Variants in ELP3 observed in about 807,000 individuals in gnomAD.
The protein encoded by ELP3 is elongator acetyltransferase complex subunit 3.
Under a neutral mutation model 74.9 loss-of-function variants are expected in ELP3, and 56 were observed. That is an observed-to-expected ratio of 0.75 (90% CI 0.60 to 0.93). The LOEUF is 0.93. Among genes scored for constraint, ELP3 ranks in the 40% least tolerant of loss-of-function variants. The pLI is 0.00. For synonymous variants in ELP3, 222 were observed against 239.8 expected (o/e 0.93, Z 0.68); for missense variants, 573 against 686.5 (o/e 0.83, Z 1.85).
At chr8:28,155,648 G>T (rs572194602) in intron 10 of ELP3, among the ~76,000 whole-genome samples, 34 of 152,248 alleles carry the variant, frequency 2.2e-4, no homozygotes, top group Middle Eastern at 3.4e-3. Flanking sequence ...CTTTACAAAT[G>T]GTTATTGGGC....
chr8:28,189,293 TCTC>T (rs1338264012), intron 14 of ELP3, among the ~76,000 whole-genome samples: 1 of 152,216 alleles, frequency 6.6e-6, no homozygotes, highest in Non-Finnish European at 1.5e-5. Context: ...ATCCACCTCT[TCTC>T]CTTCACCTGT....
At chr8:28,165,128 A>G (rs1171298267) in intron 14 of ELP3, among the ~76,000 whole-genome samples, 7 of 152,006 alleles carry the variant, frequency 4.6e-5, no homozygotes, top group Admixed American at 4.6e-4. Context: ...GGATAATTTT[A>G]CTTACTCTCC....
At chr8:28,121,306 T>TTTA (rs888646895) in intron 7 of ELP3, among the ~76,000 whole-genome samples, 10 of 147,086 alleles carry the variant, frequency 6.8e-5, no homozygotes, top group Middle Eastern at 3.5e-3. Flanking sequence ...ATTTTTAAAT[T>TTTA]TTATTATTAT....
At chr8:28,177,220 G>A (rs1814793500) in intron 14 of ELP3, among the ~76,000 whole-genome samples, 1 of 151,958 alleles carries the variant, frequency 6.6e-6, no homozygotes, top group South Asian at 2.1e-4. Flanking sequence ...GGTAACCTTT[G>A]TATGATTTTT....
chr8:28,149,810 C>A (rs184152611), intron 10 of ELP3, among the ~76,000 whole-genome samples: 72 of 152,184 alleles, frequency 4.7e-4, no homozygotes, highest in African/African-American at 1.7e-3. Flanking sequence ...TATAAATTTT[C>A]CTCTAAGCAC....
At chr8:28,108,111 C>A in intron 5 of ELP3, 135 bp downstream of exon 5, 1 of 690,368 alleles carries the variant, frequency 1.4e-6, no homozygotes, top group South Asian at 1.9e-5. Context: ...GCTGTTCATT[C>A]ACCAAATATT....
chr8:28,107,105 G>C (rs1019718163), intron 4 of ELP3, among the ~76,000 whole-genome samples: 1 of 152,088 alleles, frequency 6.6e-6, no homozygotes, highest in Non-Finnish European at 1.5e-5. Context: ...AAAATTAGCC[G>C]AGCGTGGTGG....
intron 7 of ELP3, among the ~76,000 whole-genome samples, chr8:28,126,360 G>A (rs925004401): frequency 2.0e-5 from 3 of 152,124 alleles, no homozygotes; most frequent in Non-Finnish European, 2.9e-5. Flanking sequence ...TCAACGTAAG[G>A]TTTTGACTTA....
At chr8:28,154,050 A>G (rs541651969) in intron 10 of ELP3, among the ~76,000 whole-genome samples, 72 of 152,284 alleles carry the variant, frequency 4.7e-4, no homozygotes, top group Middle Eastern at 3.4e-3. Context: ...TCATGTTCCT[A>G]AATGCAAGAA....
At chr8:28,136,922 A>C (rs965500633) in intron 9 of ELP3, among the ~76,000 whole-genome samples, 2 of 152,234 alleles carry the variant, frequency 1.3e-5, no homozygotes, top group African/African-American at 2.4e-5. Flanking sequence ...ATAAAGAAAG[A>C]AAGCAGCCAG....
intron 14 of ELP3, among the ~76,000 whole-genome samples, chr8:28,184,762 C>T (rs1304221326): frequency 6.6e-6 from 1 of 152,130 alleles, no homozygotes; most frequent in African/African-American, 2.4e-5. Context: ...TTTCATTTGA[C>T]AGAGGACATA....
chr8:28,156,602 C>T (rs1813838101), intron 11 of ELP3, among the ~76,000 whole-genome samples: 1 of 152,282 alleles, frequency 6.6e-6, no homozygotes, highest in Non-Finnish European at 1.5e-5. Flanking sequence ...CTCCAGTGCT[C>T]AGGAACTTCT....
intron 14 of ELP3, among the ~76,000 whole-genome samples, chr8:28,168,314 T>C (rs1814387319): frequency 6.6e-6 from 1 of 152,232 alleles, no homozygotes; most frequent in Admixed American, 6.5e-5. Flanking sequence ...AGTGGCTGAT[T>C]GGCATTTGAA....
rs535808021 is a variant in ELP3, at chr8:28,189,352, G to A, written c.1568-297G>A. On this transcript the variant is annotated intron_variant, in intron 14 of 14. Coordinates refer to ENST00000256398, the MANE Select transcript of ELP3 (RefSeq NM_018091.6). ...GTGTTGCCAGTAGGGTAGTGAATAC[G>A]CAGGCTCCAACACACGGGTGCACAC... 2.0e-5 allele frequency among the ~76,000 whole-genome samples: 3 copies of A among 152,342 alleles called. No homozygotes were observed. The East Asian group carries it at 5.8e-4, about 29-fold the overall frequency.
At chr8:28,106,101 C>T (rs1811675945) in intron 3 of ELP3, among the ~76,000 whole-genome samples, 1 of 152,178 alleles carries the variant, frequency 6.6e-6, no homozygotes, top group African/African-American at 2.4e-5. Flanking sequence ...GACTAAGAAT[C>T]ACTTTGGCTT....
At chr8:28,175,307 T>A (rs1814698816) in intron 14 of ELP3, among the ~76,000 whole-genome samples, 1 of 152,194 alleles carries the variant, frequency 6.6e-6, no homozygotes, top group African/African-American at 2.4e-5. Context: ...CCACGTCTTT[T>A]ATTTTTCTAC....
At chr8:28,145,026 T>G (rs953798221) in intron 10 of ELP3, among the ~76,000 whole-genome samples, 3 of 151,982 alleles carry the variant, frequency 2.0e-5, no homozygotes, top group African/African-American at 7.3e-5. Context: ...GGTGACAGAG[T>G]GAGACTCCAT....
At chr8:28,180,711 G>A (rs1017072028) in intron 14 of ELP3, among the ~76,000 whole-genome samples, 2 of 152,126 alleles carry the variant, frequency 1.3e-5, no homozygotes, top group African/African-American at 4.8e-5. Context: ...CTTTAGCCAG[G>A]CATCTCAGAG....
chr8:28,092,269 C>T (rs563527210), upstream of ELP3, among the ~76,000 whole-genome samples: 2 of 152,144 alleles, frequency 1.3e-5, no homozygotes, highest in South Asian at 2.1e-4. Flanking sequence ...CTCGCTCTGT[C>T]GTCTAGGCTG....
Sources: allele counts gnomAD v4.1 joint callset (sites outside exome capture counted in the v4.1 genomes callset), GRCh38; gene constraint gnomAD v4.1.1; transcripts MANE v1.5; gene names NCBI Gene and HGNC (gene_info 2026-07-23, HGNC 2026-07-21).